The following MYO3B variants were observed in gnomAD, a reference collection of about 807,000 sequenced individuals.
MYO3B encodes the protein myosin-IIIb.
Under a neutral mutation model 174.6 loss-of-function variants are expected in MYO3B, and 156 were observed. That is an observed-to-expected ratio of 0.89 (90% CI 0.78 to 1.02). The LOEUF is 1.02. Among genes scored for constraint, MYO3B ranks in the 50% least tolerant of loss-of-function variants. MYO3B has a pLI of 0.00. For synonymous variants in MYO3B, 563 were observed against 569.1 expected (o/e 0.99, Z 0.15); for missense variants, 1,632 against 1,639.4 (o/e 1.00, Z 0.08).
intron 32 of MYO3B, among the ~76,000 whole-genome samples, chr2:170,624,005 G>A (rs1341078806): frequency 2.0e-5 from 3 of 152,192 alleles, no homozygotes; most frequent in African/African-American, 4.8e-5. Flanking sequence ...GTCAGGTAGT[G>A]TGATGCCTCC....
intron 27 of MYO3B, among the ~76,000 whole-genome samples, chr2:170,500,772 C>T (rs1289682045): frequency 6.6e-6 from 1 of 152,162 alleles, no homozygotes; most frequent in African/African-American, 2.4e-5. Context: ...GTGTTCAGTA[C>T]CAGAGTTACT....
chr2:170,332,292 A>G (rs545406795), intron 7 of MYO3B: 1 of 152,300 alleles, frequency 6.6e-6, no homozygotes, highest in South Asian at 2.1e-4. Flanking sequence ...AAGGCAGACA[A>G]GAAATCAAGG....
At chr2:170,652,650 T>C (rs954206737) in intron 34 of MYO3B, among the ~76,000 whole-genome samples, 1 of 152,152 alleles carries the variant, frequency 6.6e-6, no homozygotes, top group South Asian at 2.1e-4. Context: ...AATTAGAGAA[T>C]TGGGGGAGGT....
chr2:170,544,034 G>T, intron 32 of MYO3B, 46 bp downstream of exon 32: 1 of 1,428,256 alleles, frequency 7.0e-7, no homozygotes, highest in South Asian at 1.2e-5. Flanking sequence ...CCATTTGCAT[G>T]TTTGTGTACT....
rs186187570 is a variant in MYO3B, at chr2:170,622,686, T to C, written c.3734-28942T>C. ...TTGCTGCACCCATTAACTCATCATTTACATTAGGTATATCTCCTAATGCTA... is the reference window on the plus strand; with the variant it reads ...TTGCTGCACCCATTAACTCATCATTCACATTAGGTATATCTCCTAATGCTA... On this transcript the variant is annotated intron_variant, in intron 32 of 34. Coordinates refer to ENST00000408978, the MANE Select transcript of MYO3B (RefSeq NM_138995.5). Among the ~76,000 whole-genome samples, 356 of 152,106 alleles carry C rather than the reference T, an allele frequency of 2.3e-3. 1 individual carries two copies. Among genetic ancestry groups the C allele is most frequent in the African/African-American group, 7.3e-3 (302 of 41,514 alleles).
chr2:170,522,595 G>T (rs540397918), intron 30 of MYO3B, among the ~76,000 whole-genome samples: 1 of 152,270 alleles, frequency 6.6e-6, no homozygotes, highest in African/African-American at 2.4e-5. Flanking sequence ...GACCAAAAAA[G>T]GTTCCGACTT....
At chr2:170,417,021 G>T (rs1266406400) in intron 22 of MYO3B, among the ~76,000 whole-genome samples, 4 of 151,916 alleles carry the variant, frequency 2.6e-5, no homozygotes, top group African/African-American at 9.7e-5. Flanking sequence ...TAGAGACGGG[G>T]TTTCACTGCG....
At chr2:170,427,929 A>G (rs1055616548) in intron 22 of MYO3B, among the ~76,000 whole-genome samples, 1 of 152,252 alleles carries the variant, frequency 6.6e-6, no homozygotes, top group Non-Finnish European at 1.5e-5. Flanking sequence ...AATGGCTGGT[A>G]CTTGCCAATA....
chr2:170,346,488 C>T (rs2094017004), intron 8 of MYO3B: 2 of 152,074 alleles, frequency 1.3e-5, no homozygotes, highest in Admixed American at 1.3e-4. Flanking sequence ...TAATATGACA[C>T]CATAAAACAA....
At chr2:170,352,991 G>C (rs2094088279) in intron 8 of MYO3B, among the ~76,000 whole-genome samples, 1 of 152,198 alleles carries the variant, frequency 6.6e-6, no homozygotes, top group African/African-American at 2.4e-5. Flanking sequence ...TTGGAAGACA[G>C]TTTGCTAATT....
rs193263271 is a variant in MYO3B, at chr2:170,433,697, C to G, written c.2651-10270C>G. Among the ~76,000 whole-genome samples the G allele has an allele frequency of 1.2e-3, 178 of 152,352 alleles. 1 individual carries two copies. Among genetic ancestry groups the G allele is most frequent in the African/African-American group, 4.1e-3 (172 of 41,578 alleles). ...CTTTTTCGGGCCTTCCCAGCCCTAT[C>G]TTGTCTGGGTCTGACAAAAGTGATT... On this transcript the variant is annotated intron_variant, in intron 22 of 34. Transcript: ENST00000408978.
intron 1 of MYO3B, among the ~76,000 whole-genome samples, chr2:170,188,135 A>AG (rs1449346166): frequency 6.6e-6 from 1 of 152,186 alleles, no homozygotes; most frequent in African/African-American, 2.4e-5. Context: ...AGAGTGCTTC[A>AG]GTGTTAGGTG....
chr2:170,325,829 AG>A (rs1314119360), intron 7 of MYO3B, among the ~76,000 whole-genome samples: 1 of 152,178 alleles, frequency 6.6e-6, no homozygotes, highest in Admixed American at 6.5e-5. Context: ...TTTCAGTTTG[AG>A]AAAGTCCACT....
In MYO3B at chr2:170,506,208, G is replaced by T. The variant is rs149115811; in HGVS notation, c.3370+4343G>T. 2.1e-3 allele frequency among the ~76,000 whole-genome samples: 316 copies of T among 152,334 alleles called. 2 individuals are homozygous for T. Among genetic ancestry groups the T allele is most frequent in the African/African-American group, 7.4e-3 (307 of 41,572 alleles). On this transcript the variant is annotated intron_variant, in intron 28 of 34. Coordinates refer to ENST00000408978, the MANE Select transcript of MYO3B (RefSeq NM_138995.5). ...GCAGAGCAGAGTTGCTTTAAATGCT[G>T]CTACCAGAAGAGAAAGCAAACATCG...
chr2:170,306,682 C>T (rs554432945), intron 7 of MYO3B, among the ~76,000 whole-genome samples: 7 of 151,230 alleles, frequency 4.6e-5, no homozygotes, highest in Middle Eastern at 3.4e-3. Flanking sequence ...TCCATCCCCA[C>T]GTCAGACTAG....
At chr2:170,317,625 G>A (rs892709345) in intron 7 of MYO3B, among the ~76,000 whole-genome samples, 2 of 152,192 alleles carry the variant, frequency 1.3e-5, no homozygotes, top group African/African-American at 4.8e-5. Flanking sequence ...AGGAGGAAAT[G>A]TTTGGTGAAA....
chr2:170,542,720 G>A (rs551952001), intron 30 of MYO3B, among the ~76,000 whole-genome samples, 186 bp from the exon 31 acceptor site: 1 of 152,262 alleles, frequency 6.6e-6, no homozygotes, highest in Non-Finnish European at 1.5e-5. Flanking sequence ...TAACATGTAG[G>A]AGCAACACCT....
chr2:170,179,297 G>C (rs1273914435), intron 1 of MYO3B, among the ~76,000 whole-genome samples: 4 of 152,066 alleles, frequency 2.6e-5, no homozygotes, highest in Non-Finnish European at 4.4e-5. Flanking sequence ...AGGCCTCCTA[G>C]AAGAGAAGAC....
intron 1 of MYO3B, among the ~76,000 whole-genome samples, chr2:170,181,740 CT>C (rs997788822): frequency 2.5e-4 from 38 of 152,146 alleles, no homozygotes; most frequent in African/African-American, 8.7e-4. Flanking sequence ...TCTAAGTGTG[CT>C]TTTTTTGATT....
Sources: gnomAD v4.1 joint callset for allele counts (sites outside exome capture counted in the v4.1 genomes callset) on GRCh38, gnomAD v4.1.1 for gene constraint, MANE v1.5 for transcripts, NCBI Gene and HGNC (gene_info 2026-07-23, HGNC 2026-07-21) for gene names.